BBS9: variants seen among roughly 807,000 people sequenced by gnomAD.
BBS9 encodes the protein Bardet-Biedl syndrome 9.
A neutral mutation model predicts 117.7 loss-of-function variants in BBS9; 89 were observed. That is an observed-to-expected ratio of 0.76 (90% CI 0.64 to 0.90). BBS9 has a LOEUF of 0.90. BBS9 is among the 40% of genes least tolerant of loss of function. The pLI is 0.00. For missense variants in BBS9, 982 were observed against 1,042.2 expected, an observed-to-expected ratio of 0.94 and a Z score of 0.80; for synonymous variants, 379 against 370.9, an observed-to-expected ratio of 1.02 and a Z score of -0.25.
In BBS9 at chr7:33,471,470, G is replaced by A. The variant is rs6958064; in HGVS notation, c.2116-33993G>A. Among the ~76,000 whole-genome samples, 480 of 152,292 alleles carry A rather than the reference G, an allele frequency of 3.2e-3. 2 individuals are homozygous for A. Among genetic ancestry groups the A allele is most frequent in the African/African-American group, 0.011 (468 of 41,572 alleles). ...TTGTGACTTGTATCCCTTGCTACAC[G>A]TATAGTCCATAGTAGGTGCTCATAA... On this transcript the variant is annotated intron_variant, in intron 19 of 22. Transcript: ENST00000242067.
intron 21 of BBS9, among the ~76,000 whole-genome samples, chr7:33,604,483 T>C (rs1308162276): frequency 1.3e-5 from 2 of 151,370 alleles, no homozygotes; most frequent in Non-Finnish European, 2.9e-5. Flanking sequence ...TCATGGTTCA[T>C]GTGCTTTGCT....
intron 21 of BBS9, among the ~76,000 whole-genome samples, chr7:33,545,653 C>G (rs1853192532): frequency 1.3e-5 from 2 of 152,060 alleles, no homozygotes; most frequent in Non-Finnish European, 2.9e-5. Flanking sequence ...CAATGCAAGC[C>G]TCCCCGTACT....
intron 21 of BBS9, among the ~76,000 whole-genome samples, chr7:33,561,095 T>G (rs1366908140): frequency 6.6e-6 from 1 of 152,196 alleles, no homozygotes; most frequent in African/African-American, 2.4e-5. Context: ...GACTATACAT[T>G]TCAAGTCTGT....
intron 19 of BBS9, among the ~76,000 whole-genome samples, chr7:33,502,582 T>A (rs1845601329): frequency 6.6e-6 from 1 of 152,222 alleles, no homozygotes; most frequent in South Asian, 2.1e-4. Flanking sequence ...TGGCCATGTG[T>A]GACAGCTGGC....
chr7:33,307,895 C>T (rs1182187983), intron 9 of BBS9, among the ~76,000 whole-genome samples: 1 of 151,752 alleles, frequency 6.6e-6, no homozygotes, highest in East Asian at 1.9e-4. Context: ...ACCTGGTAGT[C>T]ATTTATTGAA....
At chr7:33,426,775 A>AT (rs1257926253) in intron 19 of BBS9, among the ~76,000 whole-genome samples, 2 of 152,144 alleles carry the variant, frequency 1.3e-5, no homozygotes, top group African/African-American at 4.8e-5. Flanking sequence ...AGAACATTCC[A>AT]TGAGTGCCTA....
chr7:33,362,728 T>A (rs1221718001), intron 16 of BBS9, among the ~76,000 whole-genome samples: 1 of 152,170 alleles, frequency 6.6e-6, no homozygotes, highest in Non-Finnish European at 1.5e-5. Flanking sequence ...TCAATTTTGT[T>A]TTGGATATTT....
intron 21 of BBS9, among the ~76,000 whole-genome samples, chr7:33,624,841 A>G: frequency 6.6e-6 from 1 of 152,126 alleles, no homozygotes; most frequent in East Asian, 1.9e-4. Context: ...CATCCTGATT[A>G]TAGAGGAAGC....
chr7:33,342,847 A>T (rs1816819935), intron 11 of BBS9, among the ~76,000 whole-genome samples: 1 of 152,200 alleles, frequency 6.6e-6, no homozygotes, highest in Non-Finnish European at 1.5e-5. Flanking sequence ...AGATCTGTGG[A>T]TAGCTAAATG....
intron 21 of BBS9, among the ~76,000 whole-genome samples, chr7:33,557,613 C>A (rs1013516388): frequency 6.6e-6 from 1 of 152,088 alleles, no homozygotes; most frequent in African/African-American, 2.4e-5. Flanking sequence ...GAGGGGTAAT[C>A]CTGGGCATAG....
At chr7:33,183,473 T>A (rs1219106896) in intron 5 of BBS9, among the ~76,000 whole-genome samples, 1 of 152,174 alleles carries the variant, frequency 6.6e-6, no homozygotes, top group African/African-American at 2.4e-5. Context: ...TTAAAAAAAA[T>A]TCCTTATAAA....
At chr7:33,219,954 C>G in intron 5 of BBS9, among the ~76,000 whole-genome samples, 1 of 152,186 alleles carries the variant, frequency 6.6e-6, no homozygotes, top group Non-Finnish European at 1.5e-5. Context: ...CACTCCTGAG[C>G]TAGCGAGACC....
chr7:33,608,945 A>C (rs1040822758), downstream of BBS9, among the ~76,000 whole-genome samples: 8 of 152,138 alleles, frequency 5.3e-5, no homozygotes. Context: ...ACCAATGTCC[A>C]GAATGATGTT....
intron 5 of BBS9, among the ~76,000 whole-genome samples, chr7:33,188,129 TA>T (rs1783462042): frequency 2.8e-4 from 1 of 3,528 alleles, no homozygotes; most frequent in African/African-American, 9.6e-4. Context: ...GGGGGTGGGG[TA>T]GGGTGGGGGG....
intron 5 of BBS9, among the ~76,000 whole-genome samples, chr7:33,226,381 T>C (rs1460754670): frequency 6.6e-6 from 1 of 152,202 alleles, no homozygotes; most frequent in African/African-American, 2.4e-5. Flanking sequence ...TGATAGGTCT[T>C]TTATTGATAA....
intron 5 of BBS9, among the ~76,000 whole-genome samples, chr7:33,244,154 C>T (rs767095097): frequency 1.3e-5 from 2 of 152,222 alleles, no homozygotes; most frequent in South Asian, 4.2e-4. Context: ...TGCCTGAACC[C>T]GGGAGGTAGA....
intron 19 of BBS9, among the ~76,000 whole-genome samples, chr7:33,389,807 A>G (rs1416099395): frequency 6.6e-6 from 1 of 151,928 alleles, no homozygotes; most frequent in Non-Finnish European, 1.5e-5. Context: ...GAATTCAAAC[A>G]CCGCAGTGTT....
chr7:33,498,312 T>C (rs962050534), intron 19 of BBS9, among the ~76,000 whole-genome samples: 3 of 152,180 alleles, frequency 2.0e-5, no homozygotes, highest in Admixed American at 6.5e-5. Flanking sequence ...TTGCAAAGTA[T>C]CTTTTATTCG....
intron 19 of BBS9, among the ~76,000 whole-genome samples, chr7:33,431,465 A>T (rs1489154009): frequency 6.6e-6 from 1 of 152,096 alleles, no homozygotes. Flanking sequence ...TGACCGATGT[A>T]ATGGTATTAG....
Sources: allele counts gnomAD v4.1 joint callset (sites outside exome capture counted in the v4.1 genomes callset), GRCh38; gene constraint gnomAD v4.1.1; transcripts MANE v1.5; gene names NCBI Gene and HGNC (gene_info 2026-07-23, HGNC 2026-07-21).